COG5: variants seen among roughly 807,000 people sequenced by gnomAD.
The protein encoded by COG5 is component of oligomeric golgi complex 5.
COG5 carries 86 observed loss-of-function variants against 110.4 expected under a neutral mutation model. The ratio of observed to expected loss-of-function variants is 0.78; its 90% CI spans 0.65 to 0.93. The LOEUF (loss-of-function observed/expected upper bound fraction) is 0.93. Among genes scored for constraint, COG5 ranks in the 40% least tolerant of loss-of-function variants. The pLI is 0.00. For missense variants in COG5, 1,077 were observed against 987.0 expected (o/e 1.09, Z -1.22); for synonymous variants, 360 against 334.6 (o/e 1.08, Z -0.83).
intron 10 of COG5, among the ~76,000 whole-genome samples, chr7:107,360,234 A>G (rs982836796): frequency 1.3e-5 from 2 of 152,118 alleles, no homozygotes; most frequent in Non-Finnish European, 2.9e-5. Context: ...TCACCTCTCC[A>G]CTAAGAGCTG....
intron 6 of COG5, among the ~76,000 whole-genome samples, chr7:107,485,944 G>C (rs933688114): frequency 2.6e-5 from 4 of 152,108 alleles, no homozygotes; most frequent in Admixed American, 6.5e-5. Context: ...GATGAGACTG[G>C]CTGATGGCAT....
At chr7:107,507,985 T>C (rs2129141392) in intron 6 of COG5, among the ~76,000 whole-genome samples, 1 of 152,312 alleles carries the variant, frequency 6.6e-6, no homozygotes, top group South Asian at 2.1e-4. Flanking sequence ...TGCATTTCCA[T>C]CTGAGGTATC....
intron 1 of COG5, among the ~76,000 whole-genome samples, chr7:107,560,402 C>T (rs1262454045): frequency 1.3e-5 from 2 of 152,160 alleles, no homozygotes; most frequent in Non-Finnish European, 2.9e-5. Flanking sequence ...ATTCACACTG[C>T]ACAGGATGTA....
At chr7:107,228,071 G>C (rs1328739125) in intron 19 of COG5, among the ~76,000 whole-genome samples, 1 of 152,046 alleles carries the variant, frequency 6.6e-6, no homozygotes, top group Admixed American at 6.6e-5. Flanking sequence ...GGGCTGAGGC[G>C]GGCAGATAGC....
chr7:107,550,704 A>T (rs1284693282), intron 3 of COG5, among the ~76,000 whole-genome samples: 1 of 152,020 alleles, frequency 6.6e-6, no homozygotes, highest in Non-Finnish European at 1.5e-5. Flanking sequence ...TTACAAATAA[A>T]ATTTTTCTTT....
chr7:107,412,985 C>G (rs956198159), intron 6 of COG5, among the ~76,000 whole-genome samples: 5 of 151,590 alleles, frequency 3.3e-5, no homozygotes, highest in Admixed American at 3.3e-4. Context: ...GATGCAAGTA[C>G]AGTTTTTTTG....
chr7:107,529,551 A>G (rs1219748978), intron 5 of COG5, among the ~76,000 whole-genome samples: 1 of 152,194 alleles, frequency 6.6e-6, no homozygotes, highest in African/African-American at 2.4e-5. Flanking sequence ...AGAAATTCCT[A>G]AACACACTGC....
At chr7:107,411,465 T>C (rs757416749) in intron 7 of COG5, among the ~76,000 whole-genome samples, 3 of 152,120 alleles carry the variant, frequency 2.0e-5, no homozygotes, top group Non-Finnish European at 4.4e-5. Flanking sequence ...ATAATAATTA[T>C]CTTTGGGGAA....
chr7:107,422,002 G>T (rs1189804746), intron 6 of COG5, among the ~76,000 whole-genome samples: 2 of 152,024 alleles, frequency 1.3e-5, no homozygotes, highest in Non-Finnish European at 2.9e-5. Context: ...GAAAAACTTT[G>T]TTATTAGAAA....
At chr7:107,286,170 G>A (rs1257904512) in intron 12 of COG5, among the ~76,000 whole-genome samples, 1 of 152,158 alleles carries the variant, frequency 6.6e-6, no homozygotes, top group Non-Finnish European at 1.5e-5. Context: ...AAGGCCCTGA[G>A]GAGAGACCAT....
intron 6 of COG5, among the ~76,000 whole-genome samples, chr7:107,462,055 C>CA (rs1796023878): frequency 6.6e-6 from 1 of 152,030 alleles, no homozygotes; most frequent in South Asian, 2.1e-4. Flanking sequence ...ACTGTAACTA[C>CA]AAAAAAGAAC....
chr7:107,483,591 C>A (rs984443281), intron 6 of COG5, among the ~76,000 whole-genome samples: 14 of 151,838 alleles, frequency 9.2e-5, no homozygotes, highest in Non-Finnish European at 2.1e-4. Context: ...GTAATCCCAG[C>A]TACTTGGGAA....
intron 17 of COG5, among the ~76,000 whole-genome samples, chr7:107,240,687 G>A (rs1176512577): frequency 1.3e-5 from 2 of 152,148 alleles, no homozygotes; most frequent in Non-Finnish European, 2.9e-5. Flanking sequence ...TAAAATAAAG[G>A]CAATTTCTGC....
rs558837032 is a variant in COG5, at chr7:107,394,265, A to G, written c.669+18237T>C. 2.6e-5 allele frequency among the ~76,000 whole-genome samples: 4 copies of G among 151,714 alleles called. 1 individual carries two copies. In the South Asian group the frequency reaches 8.3e-4, roughly 32 times the overall value. On this transcript the variant is annotated intron_variant, in intron 7 of 21. Coordinates refer to ENST00000297135, the MANE Select transcript of COG5 (RefSeq NM_006348.5). Reference sequence around the variant, plus strand: ...GGCGTGAGCCACCATGCCTGGCCAGAAAAGATATTTTTTAAGTGAAAAAGA... The same window carrying G: ...GGCGTGAGCCACCATGCCTGGCCAGGAAAGATATTTTTTAAGTGAAAAAGA...
intron 6 of COG5, among the ~76,000 whole-genome samples, chr7:107,457,676 C>T (rs902552107): frequency 3.9e-5 from 6 of 152,080 alleles, no homozygotes; most frequent in Admixed American, 2.0e-4. Flanking sequence ...TGATCCCCCC[C>T]GCCTCAGCCT....
At chr7:107,442,155 T>C (rs1171401108) in intron 6 of COG5, among the ~76,000 whole-genome samples, 1 of 152,190 alleles carries the variant, frequency 6.6e-6, no homozygotes, top group Non-Finnish European at 1.5e-5. Context: ...CCCCCTGTTC[T>C]TGTGATAGTC....
chr7:107,441,210 C>T (rs1007540790), intron 6 of COG5, among the ~76,000 whole-genome samples: 118 of 144,286 alleles, frequency 8.2e-4, no homozygotes, highest in Non-Finnish European at 2.4e-4. Flanking sequence ...GAGCCGAGAT[C>T]GCGCCACTGC....
At chr7:107,532,509 A>G (rs1801285115) in intron 5 of COG5, among the ~76,000 whole-genome samples, 1 of 152,208 alleles carries the variant, frequency 6.6e-6, no homozygotes, top group Non-Finnish European at 1.5e-5. Context: ...TCTCAGATTA[A>G]CATACATATA....
chr7:107,289,730 CTAAA>C (rs993574640), intron 12 of COG5, among the ~76,000 whole-genome samples: 6 of 151,958 alleles, frequency 3.9e-5, no homozygotes, highest in South Asian at 2.1e-4. Context: ...AAAGTTATTC[CTAAA>C]TATTTTATCT....
Sources: allele counts gnomAD v4.1 joint callset (sites outside exome capture counted in the v4.1 genomes callset), GRCh38; gene constraint gnomAD v4.1.1; transcripts MANE v1.5; gene names NCBI Gene and HGNC (gene_info 2026-07-23, HGNC 2026-07-21).